The following COL23A1 variants were observed in gnomAD, a reference collection of about 807,000 sequenced individuals.
COL23A1 encodes collagen type XXIII alpha 1 chain.
A neutral mutation model predicts 99.3 loss-of-function variants in COL23A1; 97 were observed. The observed-to-expected ratio is 0.98, with a 90% CI of 0.83 to 1.16. The LOEUF (loss-of-function observed/expected upper bound fraction) is 1.16, where lower values mean the gene tolerates loss of function less well. Among genes scored for constraint, COL23A1 ranks in the 50% most tolerant of loss-of-function variants. COL23A1 has a pLI of 0.00. For synonymous variants in COL23A1, 320 were observed against 308.2 expected (o/e 1.04, Z -0.40); for missense variants, 762 against 757.4 (o/e 1.01, Z -0.07).
rs143453378 is a variant in COL23A1, at chr5:178,303,458, T to C, written c.406+3417A>G. Reference sequence around the variant, plus strand: ...GTTCATTTCCAGAGTTCTGAAAAGGTCCATCTTCCCCCTTGTTTTTGCTCC... The same window carrying C: ...GTTCATTTCCAGAGTTCTGAAAAGGCCCATCTTCCCCCTTGTTTTTGCTCC... On this transcript the variant is annotated intron_variant, in intron 3 of 28. Coordinates refer to ENST00000390654, the MANE Select transcript of COL23A1 (RefSeq NM_173465.4). 4.3e-3 allele frequency among the ~76,000 whole-genome samples: 655 copies of C among 152,352 alleles called. 4 individuals carry two copies. The highest frequency in any genetic ancestry group is 0.014 in the Admixed American group (221 of 15,296).
intron 2 of COL23A1, among the ~76,000 whole-genome samples, chr5:178,487,895 G>A (rs1181531121): frequency 3.9e-5 from 6 of 152,220 alleles, no homozygotes; most frequent in Non-Finnish European, 7.3e-5. Context: ...TCTCTAATTT[G>A]GTGTCCCTGC....
At chr5:178,547,218 G>T (rs902555715) in intron 2 of COL23A1, among the ~76,000 whole-genome samples, 2 of 151,932 alleles carry the variant, frequency 1.3e-5, no homozygotes, top group African/African-American at 2.4e-5. Flanking sequence ...CGCCAGCACC[G>T]AGCTAAATGC....
chr5:178,374,037 G>A (rs1762937579), intron 2 of COL23A1, among the ~76,000 whole-genome samples: 1 of 152,180 alleles, frequency 6.6e-6, no homozygotes, highest in Non-Finnish European at 1.5e-5. Flanking sequence ...CGTTCTCACA[G>A]GTCATATGCA....
At chr5:178,347,333 A>T (rs1761029614) in intron 2 of COL23A1, among the ~76,000 whole-genome samples, 1 of 151,848 alleles carries the variant, frequency 6.6e-6, no homozygotes, top group Non-Finnish European at 1.5e-5. Flanking sequence ...CACACTGTGT[A>T]TGGTTCCACT....
At chr5:178,348,027 T>A (rs1761085791) in intron 2 of COL23A1, among the ~76,000 whole-genome samples, 1 of 151,928 alleles carries the variant, frequency 6.6e-6, no homozygotes, top group South Asian at 2.1e-4. Flanking sequence ...CATCCTCCCC[T>A]GTCCTGGATT....
chr5:178,399,327 G>A lies in COL23A1; in HGVS notation c.362-92408C>T, dbSNP rs114150344. 5.0e-3 allele frequency among the ~76,000 whole-genome samples: 766 copies of A among 152,318 alleles called. 6 individuals are homozygous for A. The highest frequency in any genetic ancestry group is 0.017 in the African/African-American group (714 of 41,578). The stretch of plus-strand genomic sequence containing the variant: ...AAGGGAGGGCCCCTGGGAGGGAGAG[G>A]GAGGAAAAGTAAAGATAGACAGAGA... On this transcript the variant is annotated intron_variant, in intron 2 of 28. Coordinates refer to ENST00000390654, the MANE Select transcript of COL23A1 (RefSeq NM_173465.4).
In COL23A1 at chr5:178,544,006, C is replaced by A. The variant is rs763232267; in HGVS notation, c.361+16676G>T. Among the ~76,000 whole-genome samples, 23 of 152,042 alleles carry A rather than the reference C, an allele frequency of 1.5e-4. No individual in the cohort carries two copies. Among genetic ancestry groups the A allele is most frequent in the Non-Finnish European group, 2.6e-4 (18 of 68,010 alleles). On this transcript the variant is annotated intron_variant, in intron 2 of 28. Coordinates refer to ENST00000390654, the MANE Select transcript of COL23A1 (RefSeq NM_173465.4). The surrounding 1 kb of genome is among the most constrained non-coding windows in gnomAD (Gnocchi z 4.4). ...GGGTCCCTTTTCTAAGGGCACTAAT[C>A]CCATCACAAGGGCTCCACTCTCATA...
intron 2 of COL23A1, among the ~76,000 whole-genome samples, chr5:178,408,324 A>G (rs555231434): frequency 6.6e-6 from 1 of 152,272 alleles, no homozygotes; most frequent in Non-Finnish European, 1.5e-5. Context: ...TGCCTAAAGC[A>G]AATTCAAAAC....
intron 2 of COL23A1, among the ~76,000 whole-genome samples, chr5:178,355,402 A>G (rs80061235): frequency 0.21 from 32,565 of 152,186 alleles, 3,766 homozygotes; most frequent in African/African-American, 0.31. Flanking sequence ...AACGCTATAC[A>G]GATATGGAAA....
Position 178,365,551 on chromosome 5 carries a change from TC to T in COL23A1, c.362-58633del, listed in dbSNP as rs1279585699. On this transcript the variant is annotated intron_variant, in intron 2 of 28. Transcript: ENST00000390654. This position sits in a 1 kb window ranked among gnomAD's most constrained non-coding sequence, Gnocchi z 5.2. The stretch of plus-strand genomic sequence containing the variant: ...AAGCCTCCTTGGCAGGGATGAGGGG[TC>T]CTCAGGTCTGGCTGGGCCCACCTGG... 6.6e-6 allele frequency among the ~76,000 whole-genome samples: 1 copy of T among 151,962 alleles called. No individual in the cohort carries two copies. Among genetic ancestry groups the T allele is most frequent in the East Asian group, 1.9e-4 (1 of 5,162 alleles).
chr5:178,321,170 T>C (rs984764071), intron 2 of COL23A1, among the ~76,000 whole-genome samples: 13 of 152,348 alleles, frequency 8.5e-5, no homozygotes, highest in Admixed American at 2.6e-4. Context: ...ATCTTAACCA[T>C]TCTTGAGTGG....
At chr5:178,320,803 C>T (rs1398562465) in intron 2 of COL23A1, among the ~76,000 whole-genome samples, 2 of 152,194 alleles carry the variant, frequency 1.3e-5, no homozygotes, top group Non-Finnish European at 2.9e-5. Context: ...GAAGGTGCCT[C>T]CCGGTGTCTC....
chr5:178,314,548 C>G (rs1758877289), intron 2 of COL23A1, among the ~76,000 whole-genome samples: 1 of 152,110 alleles, frequency 6.6e-6, no homozygotes, highest in Non-Finnish European at 1.5e-5. Context: ...GTGTCACATT[C>G]ACAGAGGGCC....
chr5:178,496,295 C>T (rs1758197513), intron 2 of COL23A1, among the ~76,000 whole-genome samples: 1 of 152,134 alleles, frequency 6.6e-6, no homozygotes, highest in Non-Finnish European at 1.5e-5. Flanking sequence ...CCCGAAGCCA[C>T]TCACTCTGCC....
At chr5:178,489,286 AC>A (rs1260739743) in intron 2 of COL23A1, among the ~76,000 whole-genome samples, 1 of 152,140 alleles carries the variant, frequency 6.6e-6, no homozygotes, top group Non-Finnish European at 1.5e-5. Flanking sequence ...CTGCCCTTGG[AC>A]ATCAGGCTTC....
At chr5:178,442,028 T>G (rs898742212) in intron 2 of COL23A1, among the ~76,000 whole-genome samples, 1 of 152,106 alleles carries the variant, frequency 6.6e-6, no homozygotes, top group African/African-American at 2.4e-5. Context: ...ATTTTCAACC[T>G]GAGTCCCCAC....
intron 2 of COL23A1, among the ~76,000 whole-genome samples, chr5:178,406,720 G>A (rs10060927): frequency 0.031 from 4,670 of 152,126 alleles, 134 homozygotes; most frequent in African/African-American, 0.075. Flanking sequence ...GAGTCACCGC[G>A]CCTGGCTACC....
chr5:178,274,131 T>C (rs1230227040), intron 5 of COL23A1, among the ~76,000 whole-genome samples: 2 of 152,260 alleles, frequency 1.3e-5, no homozygotes, highest in African/African-American at 4.8e-5. Context: ...CCTGCAGGGC[T>C]GTCTGAGCCG....
chr5:178,261,839 C>CA, intron 10 of COL23A1, 91 bp from the exon 11 acceptor site: 1 of 1,125,136 alleles, frequency 8.9e-7, no homozygotes, highest in Non-Finnish European at 1.3e-6. Context: ...TAAAAGGTGA[C>CA]ACCAATCCCA....
Sources: gnomAD v4.1 joint callset for allele counts (sites outside exome capture counted in the v4.1 genomes callset) on GRCh38, gnomAD v4.1.1 for gene constraint, Gnocchi (gnomAD v3.1) non-coding constraint, MANE v1.5 for transcripts, NCBI Gene and HGNC (gene_info 2026-07-23, HGNC 2026-07-21) for gene names.